The following RICTOR variants were observed in gnomAD, a reference collection of about 807,000 sequenced individuals.
RICTOR encodes the protein RPTOR independent companion of MTOR complex 2.
RICTOR carries 49 observed loss-of-function variants against 214.9 expected under a neutral mutation model. The ratio of observed to expected loss-of-function variants is 0.23; its 90% CI spans 0.18 to 0.29. The LOEUF (loss-of-function observed/expected upper bound fraction) is 0.29. RICTOR is among the 10% of genes least tolerant of loss of function. The pLI, the probability that RICTOR is intolerant of heterozygous loss-of-function variation, is 1.00. For missense variants in RICTOR, 1,625 were observed against 2,047.0 expected, an observed-to-expected ratio of 0.79 and a Z score of 3.98; for synonymous variants, 717 against 711.3, an observed-to-expected ratio of 1.01 and a Z score of -0.13.
Position 39,074,104 on chromosome 5 carries a change from G to A in RICTOR, c.97+7C>T, listed in dbSNP as rs969924715. The A allele has an allele frequency of 2.6e-6, 4 of 1,559,426 alleles. No individual in the cohort carries two copies. Among genetic ancestry groups the A allele is most frequent in the African/African-American group, 1.4e-5 (1 of 70,358 alleles). Reference sequence around the variant, plus strand: ...GCCCTCGCGGCGCCCGCGGCGCCCCGCGTTACCTCGGGTCAGATCCAGCGG... The same window carrying A: ...GCCCTCGCGGCGCCCGCGGCGCCCCACGTTACCTCGGGTCAGATCCAGCGG... On this transcript the variant is annotated splice_region_variant and intron_variant, in intron 2 of 37. Transcript: ENST00000357387.
chr5:39,043,668 T>A (rs1442080215), intron 2 of RICTOR, among the ~76,000 whole-genome samples: 1 of 152,206 alleles, frequency 6.6e-6, no homozygotes, highest in Non-Finnish European at 1.5e-5. Context: ...ATGGTCTGAA[T>A]GTCCCCTCCA....
At chr5:39,074,042 G>T (rs1294763023) in intron 2 of RICTOR, 69 bp downstream of exon 2, 56 of 1,214,342 alleles carry the variant, frequency 4.6e-5, no homozygotes, top group Non-Finnish European at 5.8e-5. Flanking sequence ...CCTGCCTCTG[G>T]CCCCCAGCCC....
chr5:39,027,833 C>T (rs895327050), intron 2 of RICTOR, among the ~76,000 whole-genome samples: 2 of 152,098 alleles, frequency 1.3e-5, no homozygotes, highest in African/African-American at 2.4e-5. Flanking sequence ...TAATCCTCTG[C>T]TCATCAAAAG....
At chr5:39,002,448 C>G (rs2150105275) in intron 5 of RICTOR, 87 bp downstream of exon 5, 1 of 761,100 alleles carries the variant, frequency 1.3e-6, no homozygotes. Flanking sequence ...AGTTACACTA[C>G]AGTACAAATC....
intron 3 of RICTOR, among the ~76,000 whole-genome samples, chr5:39,008,700 C>T (rs1382267505): frequency 1.3e-5 from 2 of 151,660 alleles, no homozygotes; most frequent in Non-Finnish European, 2.9e-5. Flanking sequence ...TTCTCCAGAA[C>T]TGCTAACTAA....
chr5:39,029,700 C>G (rs1012784981), intron 2 of RICTOR, among the ~76,000 whole-genome samples: 3 of 152,172 alleles, frequency 2.0e-5, no homozygotes, highest in Admixed American at 2.0e-4. Flanking sequence ...GTAGCCTTGG[C>G]TAAATCACTT....
Position 38,991,066 on chromosome 5 carries a change from C to A in RICTOR, c.466G>T (p.Val156Leu). ...GAACTAGGAAACAAGGAAGCATTCA[C>A]AGTAATCATCTGTAACAGAAGGAAT... ...ALRLVRKMIT[V>L]NASLFPSSVT... is the part of the protein sequence containing the mutation. The change falls in exon 7 of 38, where the codon GTG becomes TTG. Residue 156 changes from valine (V) to leucine (L), a missense_variant. This residue lies in a region of RICTOR where 258 missense variants were observed against 393.7 expected (regional missense o/e 0.66). Coordinates refer to ENST00000357387, the MANE Select transcript of RICTOR (RefSeq NM_152756.5). 1 of 1,589,284 alleles carries A rather than the reference C, an allele frequency of 6.3e-7. No individual in the cohort carries two copies. Among genetic ancestry groups the A allele is most frequent in the Non-Finnish European group, 8.6e-7 (1 of 1,166,000 alleles).
intron 2 of RICTOR, among the ~76,000 whole-genome samples, chr5:39,053,890 C>CAAAAAA (rs35354716): frequency 1.9e-4 from 15 of 78,364 alleles, no homozygotes; most frequent in African/African-American, 8.4e-4. Context: ...GACTCCGTCT[C>CAAAAAA]AAAAAAAAAA....
intron 19 of RICTOR, 99 bp downstream of exon 19, chr5:38,962,216 T>C (rs944708215): frequency 2.0e-6 from 1 of 487,964 alleles, no homozygotes; most frequent in Non-Finnish European, 3.7e-6. Context: ...TTAAAATGTA[T>C]GTATATGTCT....
At chr5:39,048,746 A>C (rs927359280) in intron 2 of RICTOR, among the ~76,000 whole-genome samples, 3 of 152,206 alleles carry the variant, frequency 2.0e-5, no homozygotes, top group Non-Finnish European at 4.4e-5. Context: ...TGGGACCTGC[A>C]ACAAAGCATT....
chr5:38,986,109 C>T lies in RICTOR; in HGVS notation c.584-4073G>A, dbSNP rs566883774. Reference sequence around the variant, plus strand: ...CAAATCTCATCTCAAATTGGACCCACGTGTCGAGGAAGGGACCTGGTGGGA... The same window carrying T: ...CAAATCTCATCTCAAATTGGACCCATGTGTCGAGGAAGGGACCTGGTGGGA... On this transcript the variant is annotated intron_variant, in intron 7 of 37. Transcript: ENST00000357387. Among the ~76,000 whole-genome samples, 58 of 152,270 alleles carry T rather than the reference C, an allele frequency of 3.8e-4. No homozygotes were observed. In the South Asian group the frequency reaches 6.8e-3, roughly 18 times the overall value.
At chr5:39,059,219 T>C (rs16868040) in intron 2 of RICTOR, among the ~76,000 whole-genome samples, 6,851 of 152,230 alleles carry the variant, frequency 0.045, 286 homozygotes, top group African/African-American at 0.1. Flanking sequence ...TACACTCTTG[T>C]TTATCACCAT....
intron 2 of RICTOR, among the ~76,000 whole-genome samples, chr5:39,053,850 G>T (rs1758015644): frequency 7.5e-6 from 1 of 133,922 alleles, no homozygotes; most frequent in Admixed American, 7.6e-5. Flanking sequence ...CCGAGATTGC[G>T]CCACTGCACT....
chr5:38,996,398 T>C (rs1580049858), intron 6 of RICTOR, among the ~76,000 whole-genome samples: 1 of 152,328 alleles, frequency 6.6e-6, no homozygotes, highest in African/African-American at 2.4e-5. Context: ...TGCCCACAGA[T>C]TGTATCCAAA....
intron 2 of RICTOR, among the ~76,000 whole-genome samples, chr5:39,058,973 C>G (rs754249790): frequency 1.1e-4 from 16 of 152,050 alleles, no homozygotes; most frequent in Non-Finnish European, 2.1e-4. Flanking sequence ...AAAGTTCAGG[C>G]TGAAGACACA....
At chr5:39,018,505 T>C (rs1245165672) in intron 3 of RICTOR, among the ~76,000 whole-genome samples, 1 of 152,148 alleles carries the variant, frequency 6.6e-6, no homozygotes, top group East Asian at 1.9e-4. Context: ...TGCGCTCACT[T>C]TGCATGTCTG....
chr5:38,999,027 C>CAAA (rs1186312478), intron 5 of RICTOR, among the ~76,000 whole-genome samples: 17 of 25,342 alleles, frequency 6.7e-4, no homozygotes, highest in African/African-American at 2.5e-3. Context: ...AACAAACAGG[C>CAAA]AAAAAAAAAA....
chr5:38,942,051 A>G lies in RICTOR; in HGVS notation c.*253T>C, dbSNP rs998754255. ...TATTCAGTGCTTGGCTCTTGCATAC[A>G]ATGGTAACTGAAACTCTTAAAACTG... On this transcript the variant is annotated 3_prime_UTR_variant, in exon 38 of 38. Coordinates refer to ENST00000357387, the MANE Select transcript of RICTOR (RefSeq NM_152756.5). 42 of 351,702 alleles carry G rather than the reference A, an allele frequency of 1.2e-4. No homozygotes were observed. Among genetic ancestry groups the G allele is most frequent in the Non-Finnish European group, 3.1e-5 (6 of 195,132 alleles). The allele number at this position is 351,702 out of a possible 1,614,324, so 21.8% of individuals were successfully genotyped here.
At position 38,981,862 on chromosome 5, in the gene RICTOR, C is replaced by T. The variant is rs2150061472; in HGVS notation, c.753+5G>A. ...AAAACTAGAAAAGAATATTAAAGTT[C>T]CTACCTCTAATTCTACATCAGCTCG... On this transcript the variant is annotated splice_donor_5th_base_variant and intron_variant, in intron 8 of 37. Transcript: ENST00000357387. 3.8e-6 allele frequency: 6 copies of T among 1,590,950 alleles called. No individual in the cohort carries two copies. Among genetic ancestry groups the T allele is most frequent in the South Asian group, 1.1e-5 (1 of 88,362 alleles).
Sources: allele counts gnomAD v4.1 joint callset (sites outside exome capture counted in the v4.1 genomes callset), GRCh38; gene constraint gnomAD v4.1.1; regional missense constraint gnomAD v4.1.1; transcripts MANE v1.5; gene names NCBI Gene and HGNC (gene_info 2026-07-23, HGNC 2026-07-21).